HAPLN1: variants seen among roughly 807,000 people sequenced by gnomAD.
HAPLN1 encodes Cartilage link protein.
Under a neutral mutation model 36.5 loss-of-function variants are expected in HAPLN1, and 13 were observed. The ratio of observed to expected loss-of-function variants is 0.36; its 90% CI spans 0.23 to 0.57. The LOEUF (loss-of-function observed/expected upper bound fraction) is 0.57, where lower values mean the gene tolerates loss of function less well. Among genes scored for constraint, HAPLN1 ranks in the 20% least tolerant of loss-of-function variants. The probability of loss-of-function intolerance (pLI) is 0.83; values close to 1 mark genes in which losing one functional copy is unlikely to be tolerated. For missense variants in HAPLN1, 407 were observed against 439.7 expected, an observed-to-expected ratio of 0.93 and a Z score of 0.66; for synonymous variants, 202 against 169.8, an observed-to-expected ratio of 1.19 and a Z score of -1.48.
At chr5:83,688,427 C>A (rs566940189) in intron 1 of HAPLN1, among the ~76,000 whole-genome samples, 1 of 152,272 alleles carries the variant, frequency 6.6e-6, no homozygotes, top group Admixed American at 6.5e-5. Context: ...CACAATAGAT[C>A]TGGCATGAGC....
Position 83,641,534 on chromosome 5 carries a change from T to A in HAPLN1, c.1027A>T (p.Lys343Ter). 6.2e-7 allele frequency: 1 copy of A among 1,613,854 alleles called. No homozygotes were observed. The highest frequency in any genetic ancestry group is 8.5e-7 in the Non-Finnish European group (1 of 1,179,810). ...RFVGFPDKKHKLYGVYCFRAY... is the reference protein window; with the variant it reads ...RFVGFPDKKH The stretch of plus-strand genomic sequence containing the variant: ...CTGAAGCAGTAGACACCATACAGCT[T>A]ATGCTTTTTATCTGGGAAACCCACG... The change falls in exon 5 of 5, where the codon AAG (lysine) becomes TAG (stop). Residue 343 changes from lysine to a stop codon, truncating the protein, a stop_gained. Coordinates refer to ENST00000274341, the MANE Select transcript of HAPLN1 (RefSeq NM_001884.4). LOFTEE classifies it high-confidence loss of function.
At chr5:83,716,443 C>A (rs1391627342) in intron 1 of HAPLN1, among the ~76,000 whole-genome samples, 1 of 152,176 alleles carries the variant, frequency 6.6e-6, no homozygotes, top group African/African-American at 2.4e-5. Flanking sequence ...ACCCTGATCT[C>A]AGGTGTCACC....
At position 83,690,854 on chromosome 5, in the gene HAPLN1, T is replaced by A. The variant is rs181119480; in HGVS notation, c.-26-17305A>T. 4.1e-3 allele frequency among the ~76,000 whole-genome samples: 619 copies of A among 152,200 alleles called. 4 individuals carry two copies. Among genetic ancestry groups the A allele is most frequent in the African/African-American group, 0.014 (583 of 41,564 alleles). On this transcript the variant is annotated intron_variant, in intron 1 of 4. Coordinates refer to ENST00000274341, the MANE Select transcript of HAPLN1 (RefSeq NM_001884.4). ...ATCCTGAGTATTTTATTAAAATAAG[T>A]CGCATATTTTTATTAGTTTTATATG...
At chr5:83,649,003 A>G (rs1361821621) in intron 3 of HAPLN1, among the ~76,000 whole-genome samples, 2 of 152,050 alleles carry the variant, frequency 1.3e-5, no homozygotes, top group African/African-American at 4.8e-5. Flanking sequence ...TGGCTATCTG[A>G]ATTTGTTGTA....
chr5:83,664,486 G>A (rs963580896), intron 2 of HAPLN1, among the ~76,000 whole-genome samples: 1 of 151,954 alleles, frequency 6.6e-6, no homozygotes, highest in African/African-American at 2.4e-5. Context: ...GGGTTCAAGC[G>A]ATTTTCCTGC....
chr5:83,711,015 C>A (rs946696722), intron 1 of HAPLN1, among the ~76,000 whole-genome samples: 35 of 151,916 alleles, frequency 2.3e-4, no homozygotes, highest in Non-Finnish European at 1.5e-5. Context: ...GAGAATAGAT[C>A]TAATAAATAG....
In HAPLN1 at chr5:83,641,644, G is replaced by T. The variant is rs778685445; in HGVS notation, c.917C>A (p.Ala306Glu). 5 of 1,614,044 alleles carry T rather than the reference G, an allele frequency of 3.1e-6. No individual in the cohort carries two copies. The highest frequency in any genetic ancestry group is 3.3e-5 in the Admixed American group (2 of 59,996). The stretch of plus-strand genomic sequence containing the variant: ...GACGCTGCCATCCGCCAACCAGCCC[G>T]CATCACAGCGGTCATATCCGAGAAT... ...WKILGYDRCD[A>E]GWLADGSVRY... Residue 306 changes from alanine (A) to glutamate (E), a missense_variant, in exon 5 of 5, where the codon GCG becomes GAG. Physicochemically the swap from Ala to Glu is moderately radical, Grantham distance 107. Coordinates refer to ENST00000274341, the MANE Select transcript of HAPLN1 (RefSeq NM_001884.4).
At chr5:83,642,218 A>T (rs180777511) in intron 4 of HAPLN1, among the ~76,000 whole-genome samples, 104 of 152,294 alleles carry the variant, frequency 6.8e-4, no homozygotes, top group Admixed American at 2.2e-3. Context: ...CATTCCTGAC[A>T]TAAAAGTCCA....
intron 1 of HAPLN1, among the ~76,000 whole-genome samples, chr5:83,679,957 G>T (rs1329399489): frequency 1.3e-5 from 2 of 152,152 alleles, no homozygotes; most frequent in African/African-American, 2.4e-5. Flanking sequence ...TGCATTTTAG[G>T]ACTGTCCTCA....
chr5:83,679,510 C>G (rs1750946029), intron 1 of HAPLN1, among the ~76,000 whole-genome samples: 1 of 152,134 alleles, frequency 6.6e-6, no homozygotes. Flanking sequence ...ATCCATTCAT[C>G]ACCTCCAAAT....
chr5:83,711,197 G>A (rs899409160), intron 1 of HAPLN1, among the ~76,000 whole-genome samples: 10 of 152,154 alleles, frequency 6.6e-5, no homozygotes, highest in Admixed American at 6.5e-4. Flanking sequence ...GACAGTGAGA[G>A]GGTGGCTTCT....
chr5:83,650,433 G>C (rs1750021459), intron 3 of HAPLN1, among the ~76,000 whole-genome samples: 1 of 19,682 alleles, frequency 5.1e-5, no homozygotes, highest in Non-Finnish European at 9.1e-5. Flanking sequence ...ATTGTTGAAT[G>C]AAAGAGCAAA....
chr5:83,668,431 C>T (rs1425447541), intron 2 of HAPLN1, among the ~76,000 whole-genome samples: 1 of 152,308 alleles, frequency 6.6e-6, no homozygotes, highest in East Asian at 1.9e-4. Context: ...ATGCAAAGCT[C>T]TGAGTCTTGA....
chr5:83,655,755 C>T (rs904168088), intron 2 of HAPLN1, among the ~76,000 whole-genome samples: 3 of 152,126 alleles, frequency 2.0e-5, no homozygotes, highest in Admixed American at 6.5e-5. Flanking sequence ...TGGTCTATTG[C>T]AGGCTCTCCC....
At chr5:83,672,397 C>T (rs966702485) in intron 2 of HAPLN1, among the ~76,000 whole-genome samples, 1 of 152,130 alleles carries the variant, frequency 6.6e-6, no homozygotes, top group South Asian at 2.1e-4. Context: ...ATTACAATTT[C>T]TTTTCTCAGT....
intron 2 of HAPLN1, among the ~76,000 whole-genome samples, chr5:83,668,789 A>T (rs1001185654): frequency 6.6e-6 from 1 of 152,206 alleles, no homozygotes; most frequent in Admixed American, 6.5e-5. Context: ...AGACAATCTG[A>T]TGAGGGAGGG....
At chr5:83,678,670 T>G (rs1750920398) in intron 1 of HAPLN1, among the ~76,000 whole-genome samples, 1 of 151,646 alleles carries the variant, frequency 6.6e-6, no homozygotes, top group Admixed American at 6.6e-5. Context: ...TATCGATGGG[T>G]GGAAAGTGGG....
chr5:83,692,915 T>C (rs1208923459), intron 1 of HAPLN1, among the ~76,000 whole-genome samples: 2 of 151,892 alleles, frequency 1.3e-5, no homozygotes, highest in African/African-American at 4.8e-5. Context: ...TTACATGAAG[T>C]ATAGTAGTCC....
At chr5:83,644,747 C>T (rs1181673013) in intron 3 of HAPLN1, 82 bp from the exon 4 acceptor site, 8 of 983,324 alleles carry the variant, frequency 8.1e-6, no homozygotes, top group Non-Finnish European at 8.3e-6. Flanking sequence ...TGGTGAAAAA[C>T]CTAACAGACC....
Sources: gnomAD v4.1 joint callset for allele counts (sites outside exome capture counted in the v4.1 genomes callset) on GRCh38, gnomAD v4.1.1 for gene constraint, MANE v1.5 for transcripts, NCBI Gene and HGNC (gene_info 2026-07-23, HGNC 2026-07-21) for gene names.